Variants in COLEC12 observed in about 807,000 individuals in gnomAD.
The protein encoded by COLEC12 is collectin-12.
A neutral mutation model predicts 71.1 loss-of-function variants in COLEC12; 33 were observed. The ratio of observed to expected loss-of-function variants is 0.46; its 90% CI spans 0.35 to 0.62. COLEC12 has a LOEUF of 0.62. Ranked by LOEUF, COLEC12 falls within the 20% of genes least tolerant of loss-of-function variation. The pLI is 0.00. For synonymous variants in COLEC12, 350 were observed against 353.0 expected (o/e 0.99, Z 0.10); for missense variants, 765 against 916.1 (o/e 0.84, Z 2.13).
At chr18:409,104 G>A (rs956398722) in intron 2 of COLEC12, among the ~76,000 whole-genome samples, 1 of 149,462 alleles carries the variant, frequency 6.7e-6, no homozygotes, top group African/African-American at 2.4e-5. Context: ...CCAAAGTGCT[G>A]GGATTACAAG....
At chr18:372,534 T>C (rs1915023127) in intron 2 of COLEC12, among the ~76,000 whole-genome samples, 1 of 152,056 alleles carries the variant, frequency 6.6e-6, no homozygotes, top group Admixed American at 6.5e-5. Context: ...TCTCCCACCG[T>C]AGCCTCCTCA....
chr18:436,537 G>C lies in COLEC12; in HGVS notation c.58+44170C>G, dbSNP rs907260170. ...TCTCAAAAAAAAAAGGGGGGGGGGG[G>C]GGAAACAGGGGTGGCTTTCTGGAAT... On this transcript the variant is annotated intron_variant, in intron 2 of 9. Coordinates refer to ENST00000400256, the MANE Select transcript of COLEC12 (RefSeq NM_130386.3). Among the ~76,000 whole-genome samples the C allele has an allele frequency of 9.6e-5, 11 of 113,998 alleles. 1 individual carries two copies. The highest frequency in any genetic ancestry group is 3.1e-4 in the East Asian group (1 of 3,178). 74.8% of individuals were successfully genotyped at this position (113,998 alleles called of 152,430 possible). A position where few individuals can be genotyped will look rare whatever the true frequency, so the allele number is the denominator to read the frequency against.
intron 2 of COLEC12, among the ~76,000 whole-genome samples, chr18:457,310 G>C (rs187679806): frequency 6.6e-6 from 1 of 152,268 alleles, no homozygotes; most frequent in South Asian, 2.1e-4. Flanking sequence ...CTGCAGCGCC[G>C]AAGGAGATTC....
chr18:442,461 T>C (rs1482995958), intron 2 of COLEC12, among the ~76,000 whole-genome samples: 2 of 152,198 alleles, frequency 1.3e-5, no homozygotes, highest in East Asian at 1.9e-4. Flanking sequence ...AGCTCAGACT[T>C]AGCCCCCTCA....
intron 3 of COLEC12, among the ~76,000 whole-genome samples, chr18:352,783 C>A (rs988909287): frequency 1.3e-5 from 2 of 152,168 alleles, no homozygotes; most frequent in African/African-American, 2.4e-5. Flanking sequence ...TTATTAGCAC[C>A]AATTCTCAAT....
intron 2 of COLEC12, among the ~76,000 whole-genome samples, chr18:459,769 G>A (rs958372000): frequency 6.6e-6 from 1 of 152,252 alleles, no homozygotes; most frequent in African/African-American, 2.4e-5. Flanking sequence ...GAGTACAGGA[G>A]AGAAATGGAT....
In COLEC12 at chr18:480,732, C is replaced by T. The variant is rs746015148; in HGVS notation, c.33G>A (p.Val11=). ...CAAACCGCTTGTAACCGAAGGATTG[C>T]ACCTCCTCCTCCTCTGCGAAGTCGT... The part of the protein sequence containing the change: MKDDFAEEEE[V]QSFGYKRFGI... Residue 11 remains valine (V), a synonymous_variant, in exon 2 of 10, where the codon GTG becomes GTA. Transcript: ENST00000400256. The surrounding 1 kb of genome is among the most constrained non-coding windows in gnomAD (Gnocchi z 4.1). 4 of 1,614,102 alleles carry T rather than the reference C, an allele frequency of 2.5e-6. No individual in the cohort carries two copies. The South Asian group carries it at 3.3e-5, about 13-fold the overall frequency.
intron 2 of COLEC12, among the ~76,000 whole-genome samples, chr18:380,398 C>G (rs1360406757): frequency 6.6e-6 from 1 of 152,158 alleles, no homozygotes; most frequent in Non-Finnish European, 1.5e-5. Context: ...AGTGTGAGTT[C>G]TCAGGGGTTC....
At chr18:365,929 C>T (rs899301105) in intron 2 of COLEC12, among the ~76,000 whole-genome samples, 1 of 152,114 alleles carries the variant, frequency 6.6e-6, no homozygotes, top group Non-Finnish European at 1.5e-5. Flanking sequence ...CCTACTCCCC[C>T]CACCCCAAGT....
chr18:416,219 T>C lies in COLEC12; in HGVS notation c.59-58697A>G, dbSNP rs746668024. On this transcript the variant is annotated intron_variant, in intron 2 of 9. Coordinates refer to ENST00000400256, the MANE Select transcript of COLEC12 (RefSeq NM_130386.3). ...AAGTGTTGACACCCCCCCAAAAAAA[T>C]TCATTTTGGGGATTGTTTCATCAAA... Among the ~76,000 whole-genome samples the C allele has an allele frequency of 4.6e-5, 7 of 152,230 alleles. 1 individual carries two copies. In the South Asian group the frequency reaches 1.4e-3, roughly 32 times the overall value.
intron 5 of COLEC12, among the ~76,000 whole-genome samples, chr18:345,889 T>C (rs1433470524): frequency 1.3e-5 from 2 of 152,248 alleles, no homozygotes; most frequent in Non-Finnish European, 2.9e-5. Context: ...GATGTGATGG[T>C]GTGTGGCTTC....
At chr18:379,753 T>G (rs1915191678) in intron 2 of COLEC12, among the ~76,000 whole-genome samples, 1 of 152,186 alleles carries the variant, frequency 6.6e-6, no homozygotes, top group African/African-American at 2.4e-5. Context: ...AAAGCCGAAG[T>G]TGCCCAGTCA....
intron 1 of COLEC12, among the ~76,000 whole-genome samples, chr18:489,846 C>T (rs563108726): frequency 6.6e-6 from 1 of 152,250 alleles, no homozygotes; most frequent in Admixed American, 6.5e-5. Context: ...ACAAAACCCT[C>T]TTCTGCTATA....
intron 2 of COLEC12, among the ~76,000 whole-genome samples, chr18:401,463 A>G (rs1026074899): frequency 3.9e-5 from 6 of 152,256 alleles, no homozygotes; most frequent in Non-Finnish European, 7.3e-5. Context: ...CAAAAGGCCA[A>G]TTGCAAGAAT....
chr18:444,182 G>C (rs1916601587), intron 2 of COLEC12, among the ~76,000 whole-genome samples: 1 of 152,138 alleles, frequency 6.6e-6, no homozygotes, highest in East Asian at 1.9e-4. Flanking sequence ...AAACAAGTAT[G>C]AGCAAGTATC....
intron 2 of COLEC12, among the ~76,000 whole-genome samples, chr18:459,393 T>C (rs1916934057): frequency 6.6e-6 from 1 of 152,164 alleles, no homozygotes; most frequent in Non-Finnish European, 1.5e-5. Flanking sequence ...ATCAGAAAAG[T>C]CTACTTTTGA....
Position 500,438 on chromosome 18 carries a change from C to T in COLEC12, c.7+70G>A. ...GGGAAGGTTCGCGCGGGAGGCACCT[C>T]CGTGGCCTCCCGCGCGCCCCGAAGC... On this transcript the variant is annotated intron_variant, in intron 1 of 9. Transcript: ENST00000400256. The surrounding 1 kb of genome is among the most constrained non-coding windows in gnomAD (Gnocchi z 5.3). The T allele has an allele frequency of 9.9e-7, 1 of 1,012,126 alleles. No individual in the cohort carries two copies. Among genetic ancestry groups the T allele is most frequent in the Non-Finnish European group, 1.2e-6 (1 of 818,002 alleles). 62.7% of individuals were successfully genotyped at this position (1,012,126 alleles called of 1,614,324 possible). A position where few individuals can be genotyped will look rare whatever the true frequency, so the allele number is the denominator to read the frequency against.
intron 2 of COLEC12, among the ~76,000 whole-genome samples, chr18:401,288 T>G (rs1915681014): frequency 6.6e-6 from 1 of 152,232 alleles, no homozygotes; most frequent in Admixed American, 6.5e-5. Flanking sequence ...GTCAAATATT[T>G]TTATTTGCAT....
At chr18:468,813 A>T (rs1181703183) in intron 2 of COLEC12, among the ~76,000 whole-genome samples, 1 of 152,222 alleles carries the variant, frequency 6.6e-6, no homozygotes, top group Non-Finnish European at 1.5e-5. Flanking sequence ...ACTTAAGGTT[A>T]TTTGGGCCCT....
Sources: gnomAD v4.1 joint callset for allele counts (sites outside exome capture counted in the v4.1 genomes callset) on GRCh38, gnomAD v4.1.1 for gene constraint, Gnocchi (gnomAD v3.1) non-coding constraint, MANE v1.5 for transcripts, NCBI Gene and HGNC (gene_info 2026-07-23, HGNC 2026-07-21) for gene names.